PER2: variants seen among roughly 807,000 people sequenced by gnomAD.
The protein encoded by PER2 is period circadian regulator 2, also known as period circadian protein homolog 2.
A neutral mutation model predicts 121.0 loss-of-function variants in PER2; 66 were observed. The ratio of observed to expected loss-of-function variants is 0.55; its 90% confidence interval spans 0.45 to 0.67. The LOEUF (loss-of-function observed/expected upper bound fraction) is 0.67. Ranked by LOEUF, PER2 falls within the 30% of genes least tolerant of loss-of-function variation. The probability of loss-of-function intolerance (pLI) is 0.00; values close to 1 mark genes in which losing one functional copy is unlikely to be tolerated. For missense variants in PER2, 1,521 were observed against 1,635.0 expected (o/e 0.93, Z 1.20); for synonymous variants, 684 against 659.9 (o/e 1.04, Z -0.56).
At chr2:238,265,955 G>C (rs1214909588) in intron 8 of PER2, among the ~76,000 whole-genome samples, 1 of 150,908 alleles carries the variant, frequency 6.6e-6, no homozygotes, top group Non-Finnish European at 1.5e-5. Context: ...CCAGGCTGCA[G>C]TGCAGTGGCA....
At chr2:238,276,300 C>T (rs929984497) in intron 3 of PER2, among the ~76,000 whole-genome samples, 3 of 152,254 alleles carry the variant, frequency 2.0e-5, no homozygotes, top group African/African-American at 7.2e-5. Flanking sequence ...GAGCTGTCAA[C>T]AGACATTGCC....
rs187956020 is a variant in PER2, at chr2:238,266,051, G to C, written c.968-461C>G. Among the ~76,000 whole-genome samples the C allele has an allele frequency of 5.7e-4, 86 of 152,116 alleles. 1 individual carries two copies. The highest frequency in any genetic ancestry group is 1.7e-3 in the African/African-American group (69 of 41,482). On this transcript the variant is annotated intron_variant, in intron 8 of 22. Transcript: ENST00000254657. ...CTCCAGTAGTTGGGACTACAGGCGT[G>C]TGCCACCACGCCCAGCTAATTTTTT...
At chr2:238,275,983 G>A (rs1696443243) in intron 3 of PER2, 86 bp from the exon 4 acceptor site, 4 of 1,351,730 alleles carry the variant, frequency 3.0e-6, no homozygotes. Context: ...CATTTTCTCA[G>A]CCTCGGCTCT....
At chr2:238,296,073 T>C in the PER2 span, among the ~76,000 whole-genome samples, 20 of 86,832 alleles carry the variant, frequency 2.3e-4, no homozygotes, top group African/African-American at 8.9e-4. Flanking sequence ...GCAGAGTCAG[T>C]CGTGTGCCCT....
rs190280153 is a variant in PER2 at position 238,252,788 on chromosome 2, C to A, written c.3111+124G>T. ...TCTGGCACACACATTCATGGCAAAA[C>A]CTACAGGGTTTGGTGGAAACCTCAA... On this transcript the variant is annotated intron_variant, in intron 19 of 22. Coordinates refer to ENST00000254657, the MANE Select transcript of PER2 (RefSeq NM_022817.3). The surrounding 1 kb of genome is among the most constrained non-coding windows in gnomAD (Gnocchi z 4.2). The A allele has an allele frequency of 1.1e-3, 932 of 868,880 alleles. 8 individuals are homozygous for A. The African/African-American group carries it at 0.013, about 13-fold the overall frequency. The allele number at this position is 868,880 out of a possible 1,614,324, so 53.8% of individuals were successfully genotyped here. A position where few individuals can be genotyped will look rare whatever the true frequency, so the allele number is the denominator to read the frequency against.
chr2:238,263,716 T>C (rs1696011040), intron 9 of PER2, among the ~76,000 whole-genome samples: 1 of 152,230 alleles, frequency 6.6e-6, no homozygotes, highest in East Asian at 1.9e-4. Flanking sequence ...ACTTGTTGCA[T>C]CCAAACCAAT....
Position 238,271,961 on chromosome 2 carries a change from A to T in PER2, c.571-448T>A, listed in dbSNP as rs148205716. On this transcript the variant is annotated intron_variant, in intron 5 of 22. Coordinates refer to ENST00000254657, the MANE Select transcript of PER2 (RefSeq NM_022817.3). ...CCGCCATAAACTTCTCCACACACAG[A>T]AACATTCCAAGCTTGTGATAAGCCC... Among the ~76,000 whole-genome samples, 3 of 152,238 alleles carry T rather than the reference A, an allele frequency of 2.0e-5. No homozygotes were observed. In the East Asian group the frequency reaches 5.8e-4, roughly 29 times the overall value.
rs1410393566 is a variant in PER2, at chr2:238,253,678, G to A, written c.2345C>T (p.Ser782Phe). The A allele has an allele frequency of 6.2e-7, 1 of 1,607,538 alleles. No individual in the cohort carries two copies. Among genetic ancestry groups the A allele is most frequent in the African/African-American group, 1.3e-5 (1 of 74,916 alleles). Residue 782 changes from serine to phenylalanine, a missense_variant, in exon 19 of 23, where the codon TCC (serine) becomes TTC (phenylalanine). Ser to Phe is a radical substitution (Grantham distance 155). Transcript: ENST00000254657. This position sits in a 1 kb window ranked among gnomAD's most constrained non-coding sequence, Gnocchi z 5.6. Reference sequence around the variant, plus strand: ...TTTTTTCCAAGGTGAATCTATTCCGGAAGTATTTCTTAGTCCAGGGGCAGC... The same window carrying A: ...TTTTTTCCAAGGTGAATCTATTCCGAAAGTATTTCTTAGTCCAGGGGCAGC... ...ERTAPGLRNTSGIDSPWKKTG... is the reference protein window; with the variant it reads ...ERTAPGLRNTFGIDSPWKKTG...
In PER2 at chr2:238,255,892, C is replaced by T. The variant is rs141604367; in HGVS notation, c.2085G>A (p.Ala695=). The T allele has an allele frequency of 5.3e-5, 86 of 1,614,116 alleles. No homozygotes were observed. The highest frequency in any genetic ancestry group is 6.6e-5 in the Non-Finnish European group (78 of 1,180,042). ...GGCAGTCCAGGGATTCTGGCCCACT[C>T]GCAGCATCTTCCACCATCTCTGTAA... ...QPELEMVEDA[A]SGPESLDCLA... The change falls in exon 18 of 23, where the codon GCG becomes GCA. Residue 695 remains alanine, a synonymous_variant. Transcript: ENST00000254657.
chr2:238,291,856 G>A (rs1372896551), upstream of PER2, among the ~76,000 whole-genome samples: 2 of 152,224 alleles, frequency 1.3e-5, no homozygotes, highest in Non-Finnish European at 2.9e-5. Context: ...CCGAGGGCAG[G>A]TGCCTGTCCC....
In PER2 at chr2:238,257,434, C is replaced by T. The variant is rs887389369; in HGVS notation, c.1901-348G>A. Reference sequence around the variant, plus strand: ...TGCAGGCCTGTGGGGAGGGGCTTTCCGACAGTCAGGAGCCAACCATAATCC... The same window carrying T: ...TGCAGGCCTGTGGGGAGGGGCTTTCTGACAGTCAGGAGCCAACCATAATCC... On this transcript the variant is annotated intron_variant, in intron 16 of 22. Transcript: ENST00000254657. Among the ~76,000 whole-genome samples the T allele has an allele frequency of 2.5e-4, 38 of 152,276 alleles. 1 individual carries two copies. Among genetic ancestry groups the T allele is most frequent in the Admixed American group, 1.9e-3 (29 of 15,290 alleles).
Position 238,253,149 on chromosome 2 carries a change from C to G in PER2, c.2874G>C (p.Gln958His). ...CCCGGGTGGCTGGACAAGCACATGG[C>G]TGTCTGGGGATCGAGGTCCGGCTGG... is the stretch of plus-strand genomic sequence containing the variant. Reference protein sequence around the residue: ...EFPSRTSIPRQPCACPATRAT... With the variant: ...EFPSRTSIPRHPCACPATRAT... Residue 958 changes from glutamine to histidine, a missense_variant, in exon 19 of 23, where the codon CAG becomes CAC. Physicochemically the swap from Gln to His is conservative, Grantham distance 24 (BLOSUM62 0). Coordinates refer to ENST00000254657, the MANE Select transcript of PER2 (RefSeq NM_022817.3). The surrounding 1 kb of genome is among the most constrained non-coding windows in gnomAD (Gnocchi z 5.6). 3 of 1,599,354 alleles carry G rather than the reference C, an allele frequency of 1.9e-6. No homozygotes were observed. The highest frequency in any genetic ancestry group is 2.6e-6 in the Non-Finnish European group (3 of 1,169,678).
chr2:238,292,900 G>A (rs1696971855), upstream of PER2, among the ~76,000 whole-genome samples: 1 of 151,556 alleles, frequency 6.6e-6, no homozygotes, highest in South Asian at 2.1e-4. Context: ...ACCACACCCA[G>A]CTAATTTTTG....
chr2:238,280,612 T>C, intron 1 of PER2, among the ~76,000 whole-genome samples: 1 of 151,948 alleles, frequency 6.6e-6, no homozygotes, highest in East Asian at 1.9e-4. Context: ...TCAGAATCAA[T>C]AAAAAGAAAA....
intron 12 of PER2, chr2:238,261,291 C>A (rs781054899): frequency 1.1e-4 from 45 of 398,886 alleles, no homozygotes; most frequent in Non-Finnish European, 1.8e-4. Flanking sequence ...TCCACAGTCT[C>A]CGGGAACTGA....
chr2:238,292,979 G>A (rs1275211916), upstream of PER2, among the ~76,000 whole-genome samples: 4 of 150,538 alleles, frequency 2.7e-5, no homozygotes, highest in South Asian at 2.1e-4. Flanking sequence ...CTCGTGATCC[G>A]CCCGCCTCGG....
intron 1 of PER2, among the ~76,000 whole-genome samples, chr2:238,287,918 A>G (rs899402459): frequency 1.3e-5 from 2 of 152,166 alleles, no homozygotes; most frequent in African/African-American, 4.8e-5. Flanking sequence ...CTGCTGCACC[A>G]AAGAGTGGAC....
At chr2:238,248,890 C>T (rs980188065) in intron 22 of PER2, 172 bp downstream of exon 22, 21 of 725,826 alleles carry the variant, frequency 2.9e-5, no homozygotes, top group Non-Finnish European at 4.7e-5. Context: ...CTCCTGACCT[C>T]GTGATCCACC....
At position 238,253,419 on chromosome 2, in the gene PER2, G is replaced by C; in HGVS notation, c.2604C>G (p.Pro868=). ...VFPAPGTVAA[P]PAPPHASFTV... ...TGAAGCTGGCGTGGGGAGGTGCCGG[G>C]GGTGCTGCCACAGTCCCTGGCGCTG... The change falls in exon 19 of 23, where the codon CCC becomes CCG. Residue 868 remains proline (P), a synonymous_variant. Transcript: ENST00000254657. This position sits in a 1 kb window ranked among gnomAD's most constrained non-coding sequence, Gnocchi z 5.6. 1.2e-6 allele frequency: 2 copies of C among 1,610,738 alleles called. No individual in the cohort carries two copies. Among genetic ancestry groups the C allele is most frequent in the African/African-American group, 1.3e-5 (1 of 75,000 alleles).
Sources: allele counts gnomAD v4.1 joint callset (sites outside exome capture counted in the v4.1 genomes callset), GRCh38; gene constraint gnomAD v4.1.1; non-coding constraint Gnocchi (gnomAD v3.1); transcripts MANE v1.5; gene names NCBI Gene and HGNC (gene_info 2026-07-23, HGNC 2026-07-21).